The following ALDH6A1 variants were observed in gnomAD, a reference collection of about 807,000 sequenced individuals.
ALDH6A1 encodes methylmalonate-semialdehyde/malonate-semialdehyde dehydrogenase [acylating], mitochondrial.
ALDH6A1 carries 43 observed loss-of-function variants against 62.6 expected under a neutral mutation model. That is an observed-to-expected ratio of 0.69 (90% CI 0.54 to 0.89). The LOEUF (loss-of-function observed/expected upper bound fraction) is 0.89. ALDH6A1 is among the 40% of genes least tolerant of loss of function. The pLI is 0.00. For synonymous variants in ALDH6A1, 194 were observed against 234.2 expected (o/e 0.83, Z 1.57); for missense variants, 551 against 661.3 (o/e 0.83, Z 1.83).
intron 1 of ALDH6A1, 73 bp from the exon 2 acceptor site, chr14:74,075,090 ATAT>A: frequency 1.4e-6 from 2 of 1,399,542 alleles, no homozygotes; most frequent in Non-Finnish European, 2.0e-6. Context: ...AATAGCTACT[ATAT>A]GCTATTTGCT....
At chr14:74,061,832 A>G (rs987923409) in intron 11 of ALDH6A1, among the ~76,000 whole-genome samples, 6 of 152,124 alleles carry the variant, frequency 3.9e-5, no homozygotes, top group Non-Finnish European at 7.3e-5. Context: ...AAGAGAATAC[A>G]TTGTGCAGAT....
intron 2 of ALDH6A1, among the ~76,000 whole-genome samples, 193 bp from the exon 3 acceptor site, chr14:74,072,804 AT>A (rs371453504): frequency 2.3e-4 from 34 of 149,488 alleles, no homozygotes; most frequent in Admixed American, 1.4e-3. Flanking sequence ...GTGTGTGTTT[AT>A]TTTTTTTTTG....
At chr14:74,070,985 T>C in intron 6 of ALDH6A1, 1 of 600,610 alleles carries the variant, frequency 1.7e-6, no homozygotes, top group Non-Finnish European at 3.0e-6. Context: ...AGTGTCCCAA[T>C]ATATACTGTA....
chr14:74,083,945 G>C (rs181827228), intron 1 of ALDH6A1, among the ~76,000 whole-genome samples: 40 of 152,308 alleles, frequency 2.6e-4, no homozygotes, highest in Non-Finnish European at 5.1e-4. Flanking sequence ...GGACGCTCAC[G>C]GCAGGGGACA....
intron 11 of ALDH6A1, 116 bp from the exon 12 acceptor site, chr14:74,060,862 C>T: frequency 1.4e-6 from 1 of 738,890 alleles, no homozygotes; most frequent in South Asian, 1.5e-5. Flanking sequence ...TTGAGAAATG[C>T]AATCAGAATC....
chr14:74,063,025 C>A (rs1340716824), intron 11 of ALDH6A1, among the ~76,000 whole-genome samples: 1 of 152,078 alleles, frequency 6.6e-6, no homozygotes, highest in Non-Finnish European at 1.5e-5. Flanking sequence ...GCTTAAAGAG[C>A]CCTACATGAC....
chr14:74,084,368 T>C lies in ALDH6A1; in HGVS notation c.27A>G (p.Ala9=), dbSNP rs1566839896. The change falls in exon 1 of 12, where the codon GCA becomes GCG. Residue 9 remains alanine (A), a synonymous_variant. Transcript: ENST00000553458. ...TCGCCTGCAGGATCCGGGCTCGCACTGCCGCCGCCGCCAATAGCGCCGCCA... is the reference window on the plus strand; with the variant it reads ...TCGCCTGCAGGATCCGGGCTCGCACCGCCGCCGCCGCCAATAGCGCCGCCA... MAALLAAA[A]VRARILQVSS... 1 of 1,612,968 alleles carries C rather than the reference T, an allele frequency of 6.2e-7. No individual in the cohort carries two copies. The highest frequency in any genetic ancestry group is 8.5e-7 in the Non-Finnish European group (1 of 1,179,790).
intron 2 of ALDH6A1, 128 bp from the exon 3 acceptor site, chr14:74,072,739 T>C (rs1472680794): frequency 2.9e-6 from 3 of 1,017,606 alleles, no homozygotes; most frequent in Non-Finnish European, 4.4e-6. Context: ...TCTTCTGGTC[T>C]TTAGAAATGT....
rs780580375 is a variant in ALDH6A1, at chr14:74,057,113, T to C, written c.*3529A>G. 3.1e-6 allele frequency: 5 copies of C among 1,605,138 alleles called. No homozygotes were observed. In the South Asian group the frequency reaches 5.5e-5, roughly 18 times the overall value. On this transcript the variant is annotated 3_prime_UTR_variant, in exon 12 of 12. Transcript: ENST00000553458. The stretch of plus-strand genomic sequence containing the variant: ...CCAGGTTTCATGTGTGTAGAGTTGT[T>C]GACGGTTCTGTTATTTTGTCATTAT...
Position 74,060,490 on chromosome 14 carries a change from G to C in ALDH6A1, c.*152C>G. 1.4e-6 allele frequency: 1 copy of C among 698,170 alleles called. No homozygotes were observed. The highest frequency in any genetic ancestry group is 1.5e-5 in the South Asian group (1 of 65,440). The allele number at this position is 698,170 out of a possible 1,614,324, so 43.2% of individuals were successfully genotyped here. On this transcript the variant is annotated 3_prime_UTR_variant, in exon 12 of 12. Transcript: ENST00000553458. ...TTGTTACACTAGGCAGTTCCCTATA[G>C]AAACTTTGCGGGGGTTAATAGTCCT...
At chr14:74,061,121 G>A (rs2060330787) in intron 11 of ALDH6A1, among the ~76,000 whole-genome samples, 1 of 151,356 alleles carries the variant, frequency 6.6e-6, no homozygotes, top group South Asian at 2.1e-4. Context: ...GGGATTACAG[G>A]CACCTGCTAC....
intron 10 of ALDH6A1, 104 bp downstream of exon 10, chr14:74,065,077 G>T: frequency 7.0e-7 from 1 of 1,434,538 alleles, no homozygotes; most frequent in Non-Finnish European, 9.7e-7. Context: ...CAATGTGGGA[G>T]GTCATGGGGG....
In ALDH6A1 at chr14:74,059,517, G is replaced by C. The variant is rs1030292512; in HGVS notation, c.*1125C>G. On this transcript the variant is annotated 3_prime_UTR_variant, in exon 12 of 12. Coordinates refer to ENST00000553458, the MANE Select transcript of ALDH6A1 (RefSeq NM_005589.4). ...TCGAGACCAGCCTGACCAACACGGAGAAACCCCGTCTCTACTAAAAATACA... is the reference window on the plus strand; with the variant it reads ...TCGAGACCAGCCTGACCAACACGGACAAACCCCGTCTCTACTAAAAATACA... The C allele has an allele frequency of 1.6e-5, 6 of 366,772 alleles. No homozygotes were observed. The highest frequency in any genetic ancestry group is 3.2e-5 in the Non-Finnish European group (6 of 187,328). The allele number at this position is 366,772 out of a possible 1,614,324, so 22.7% of individuals were successfully genotyped here.
chr14:74,070,344 C>G (rs1200648171), intron 6 of ALDH6A1, among the ~76,000 whole-genome samples: 1 of 151,948 alleles, frequency 6.6e-6, no homozygotes, highest in Non-Finnish European at 1.5e-5. Flanking sequence ...CATGGTGAAA[C>G]CCCATCTGTA....
At position 74,057,853 on chromosome 14, in the gene ALDH6A1, C is replaced by A. The variant is rs774446667; in HGVS notation, c.*2789G>T. 9.7e-6 allele frequency: 10 copies of A among 1,029,984 alleles called. No homozygotes were observed. Among genetic ancestry groups the A allele is most frequent in the Non-Finnish European group, 1.2e-5 (10 of 856,510 alleles). The allele number at this position is 1,029,984 out of a possible 1,614,324, so 63.8% of individuals were successfully genotyped here. A position where few individuals can be genotyped will look rare whatever the true frequency, so the allele number is the denominator to read the frequency against. On this transcript the variant is annotated 3_prime_UTR_variant, in exon 12 of 12. Transcript: ENST00000553458. ...GAAACTCTGAGCAGCAAATAGTTGG[C>A]CAGATGAGTTGTTTCTAATTAGAGC... is the stretch of plus-strand genomic sequence containing the variant.
At chr14:74,071,858 G>A (rs1198616536) in intron 5 of ALDH6A1, 38 bp downstream of exon 5, 10 of 1,602,204 alleles carry the variant, frequency 6.2e-6, no homozygotes, top group South Asian at 2.2e-5. Flanking sequence ...TCTTCCTTTG[G>A]TCCTTCCCAA....
chr14:74,067,015 A>G, intron 8 of ALDH6A1, 129 bp from the exon 9 acceptor site: 1 of 892,572 alleles, frequency 1.1e-6, no homozygotes. Flanking sequence ...CAGGAGTTCC[A>G]GACCAGCCTG....
intron 2 of ALDH6A1, 133 bp downstream of exon 2, chr14:74,074,822 A>G: frequency 1.1e-6 from 1 of 899,472 alleles, no homozygotes; most frequent in Non-Finnish European, 1.8e-6. Flanking sequence ...TCAGGAGGGA[A>G]ATAATCCAAA....
At chr14:74,061,820 A>G (rs780134036) in intron 11 of ALDH6A1, among the ~76,000 whole-genome samples, 5 of 152,162 alleles carry the variant, frequency 3.3e-5, no homozygotes, top group Non-Finnish European at 7.3e-5. Context: ...AGGCTTGAGC[A>G]AAAGAGAATA....
Sources: allele counts gnomAD v4.1 joint callset (sites outside exome capture counted in the v4.1 genomes callset), GRCh38; gene constraint gnomAD v4.1.1; transcripts MANE v1.5; gene names NCBI Gene and HGNC (gene_info 2026-07-23, HGNC 2026-07-21).